The following MBTPS2 variants were observed in gnomAD, a reference collection of about 807,000 sequenced individuals.
MBTPS2 encodes the protein membrane bound transcription factor peptidase, site 2, also known as membrane-bound transcription factor site-2 protease.
In MBTPS2, 2 loss-of-function variants were observed where a neutral mutation model predicts 35.4. That is an observed-to-expected ratio of 0.06 (90% CI 0.02 to 0.18). MBTPS2 has a LOEUF of 0.18. Among genes scored for constraint, MBTPS2 ranks in the 10% least tolerant of loss-of-function variants. MBTPS2 has a pLI of 1.00. For synonymous variants in MBTPS2, 125 were observed against 140.4 expected (o/e 0.89, Z 0.77); for missense variants, 244 against 386.5 (o/e 0.63, Z 3.09).
chrX:21,868,679 A>C, intron 6 of MBTPS2, 94 bp downstream of exon 6: 1 of 623,561 alleles, frequency 1.6e-6, no homozygotes, highest in Non-Finnish European at 2.8e-6. Context: ...ATCTCTTCAT[A>C]TACAAAATGC....
chrX:21,854,904 G>C (rs1464806603), intron 5 of MBTPS2, among the ~76,000 whole-genome samples: 1 of 111,337 alleles, frequency 9.0e-6, no homozygotes, highest in Admixed American at 9.6e-5. Flanking sequence ...ATCACACCTT[G>C]GATCAATTTA....
At position 21,878,639 on chromosome X, in the gene MBTPS2, C is replaced by T. The variant is rs1456436785; in HGVS notation, c.1208C>T (p.Pro403Leu). Reference protein sequence around the residue: ...THTRLIKVKHPPQIDMLYVGH... With the variant: ...THTRLIKVKHLPQIDMLYVGH... ...ACTCGCTTAATAAAAGTAAAACACCCACCTCAGATTGATATGTTATACGTA... is the reference window on the plus strand; with the variant it reads ...ACTCGCTTAATAAAAGTAAAACACCTACCTCAGATTGATATGTTATACGTA... The change falls in exon 9 of 11, where the codon CCA (proline) becomes CTA (leucine). Residue 403 changes from proline (P) to leucine (L), a missense_variant. Coordinates refer to ENST00000379484, the MANE Select transcript of MBTPS2 (RefSeq NM_015884.4). 5 of 1,207,650 alleles carry T rather than the reference C, an allele frequency of 4.1e-6. No homozygotes were observed. Among genetic ancestry groups the T allele is most frequent in the Non-Finnish European group, 5.6e-6 (5 of 892,147 alleles).
intron 10 of MBTPS2, 47 bp downstream of exon 10, chrX:21,881,019 T>A: frequency 1.1e-6 from 1 of 943,249 alleles, no homozygotes; most frequent in Admixed American, 2.2e-5. Context: ...GTTACTTGGA[T>A]CTTGATCAAT....
intron 5 of MBTPS2, chrX:21,857,148 G>A: frequency 8.3e-7 from 1 of 1,211,875 alleles, no homozygotes. Context: ...ACTTCCTCCT[G>A]GGGGGTTACC....
chrX:21,856,126 G>A (rs772296869), intron 5 of MBTPS2: 1 of 213,939 alleles, frequency 4.7e-6, no homozygotes, highest in African/African-American at 2.9e-5. Flanking sequence ...TTACGAAAGT[G>A]GAAAAACAAC....
Position 21,868,603 on chromosome X carries a change from C to T in MBTPS2, c.789+18C>T, listed in dbSNP as rs2092943433. The T allele has an allele frequency of 9.5e-7, 1 of 1,050,444 alleles. No individual in the cohort carries two copies. The highest frequency in any genetic ancestry group is 1.3e-6 in the Non-Finnish European group (1 of 749,390). The allele number at this position is 1,050,444 out of a possible 1,213,427, so 86.6% of individuals were successfully genotyped here. On this transcript the variant is annotated intron_variant, in intron 6 of 10. Transcript: ENST00000379484. The stretch of plus-strand genomic sequence containing the variant: ...TTGCTGAGGTAAATAATGGATTACT[C>T]AGGGCATTCTTTCATCAGATGTTGT...
At chrX:21,859,310 A>C (rs1019731531) in intron 5 of MBTPS2, among the ~76,000 whole-genome samples, 1 of 94,368 alleles carries the variant, frequency 1.1e-5, no homozygotes, top group Non-Finnish European at 2.1e-5. Flanking sequence ...AATTATATGC[A>C]TACGTGAAGT....
At chrX:21,854,085 A>G (rs1030635981) in intron 5 of MBTPS2, among the ~76,000 whole-genome samples, 1 of 111,926 alleles carries the variant, frequency 8.9e-6, no homozygotes, top group Admixed American at 9.5e-5. Context: ...ACAACAACAA[A>G]AAAAACCTGA....
intron 5 of MBTPS2, chrX:21,857,682 G>C: frequency 9.9e-7 from 1 of 1,009,804 alleles, no homozygotes; most frequent in Non-Finnish European, 1.3e-6. Context: ...TCAAAGCTTT[G>C]TATGTTGTTT....
In MBTPS2 at chrX:21,884,306, A is replaced by G; in HGVS notation, c.*1651A>G. The G allele has an allele frequency of 1.4e-6, 1 of 723,376 alleles. No individual in the cohort carries two copies. The highest frequency in any genetic ancestry group is 1.6e-6 in the Non-Finnish European group (1 of 610,847). 59.6% of individuals were successfully genotyped at this position (723,376 alleles called of 1,213,427 possible). A position where few individuals can be genotyped will look rare whatever the true frequency, so the allele number is the denominator to read the frequency against. On this transcript the variant is annotated 3_prime_UTR_variant, in exon 11 of 11. Coordinates refer to ENST00000379484, the MANE Select transcript of MBTPS2 (RefSeq NM_015884.4). ...ATTTGGGATCAGAGTACATTAGCATAGTAATGCTCAGTCAGACCTGTTCAA... is the reference window on the plus strand; with the variant it reads ...ATTTGGGATCAGAGTACATTAGCATGGTAATGCTCAGTCAGACCTGTTCAA...
At chrX:21,848,157 C>T (rs1201602645) in intron 3 of MBTPS2, among the ~76,000 whole-genome samples, 1 of 112,673 alleles carries the variant, frequency 8.9e-6, no homozygotes, top group Admixed American at 9.4e-5. Flanking sequence ...CAGTGGCTCA[C>T]GCCTGTAGTC....
chrX:21,840,945 C>T (rs1394058948), intron 1 of MBTPS2, among the ~76,000 whole-genome samples: 1 of 111,981 alleles, frequency 8.9e-6, no homozygotes, highest in Non-Finnish European at 1.9e-5. Flanking sequence ...GAGAGAATTA[C>T]ATTAGTGTAT....
chrX:21,842,446 A>T (rs12006650), intron 1 of MBTPS2, among the ~76,000 whole-genome samples: 2,200 of 107,979 alleles, frequency 0.02, 65 homozygotes, highest in African/African-American at 0.07. Context: ...TTTTTTTTTT[A>T]AATTATAACA....
chrX:21,862,832 T>C (rs1204876409), intron 5 of MBTPS2, among the ~76,000 whole-genome samples: 5 of 90,185 alleles, frequency 5.5e-5, no homozygotes, highest in Non-Finnish European at 1.1e-4. Context: ...AACATATATA[T>C]ATAAAAAACA....
chrX:21,861,704 AAAAC>A (rs1384480113), intron 5 of MBTPS2, among the ~76,000 whole-genome samples: 8 of 101,307 alleles, frequency 7.9e-5, no homozygotes, highest in African/African-American at 2.7e-4. Context: ...CTCTTTAAAA[AAAAC>A]AAACAAAAAA....
rs60769329 is a variant in MBTPS2 at position 21,879,949 on chromosome X, C to CTTTTTTTT, written c.1262-934_1262-927dup. Among the ~76,000 whole-genome samples the CTTTTTTTT allele has an allele frequency of 4.0e-4, 19 of 47,423 alleles. 3 individuals carry two copies. The highest frequency in any genetic ancestry group is 1.6e-3 in the African/African-American group (12 of 7,494). 41.2% of individuals were successfully genotyped at this position (47,423 alleles called of 115,157 possible). A position where few individuals can be genotyped will look rare whatever the true frequency, so the allele number is the denominator to read the frequency against. On this transcript the variant is annotated intron_variant, in intron 9 of 10. Transcript: ENST00000379484. ...ATGGATATGTGGGTTTTATGTTATTCTTTTTTTTTTTTTTTTTTTTTGAGA... is the reference window on the plus strand; with the variant it reads ...ATGGATATGTGGGTTTTATGTTATTCTTTTTTTTTTTTTTTTTTTTTTTTTTTTTGAGA...
rs764430631 is a variant in MBTPS2, at chrX:21,868,070, T to A, written c.671-397T>A. ...CAACCTCCTTTTTCCAAGTACCATT[T>A]GAGTTTCTGTACCCCTGTTTAGCAA... On this transcript the variant is annotated intron_variant, in intron 5 of 10. Transcript: ENST00000379484. 1.6e-4 allele frequency among the ~76,000 whole-genome samples: 18 copies of A among 112,184 alleles called. No individual in the cohort carries two copies. In the Admixed American group the frequency reaches 1.6e-3, roughly 10 times the overall value.
intron 7 of MBTPS2, chrX:21,869,907 A>G: frequency 2.8e-6 from 1 of 361,996 alleles, no homozygotes. Context: ...TATCATATTT[A>G]ACTTTTAGGA....
chrX:21,847,889 T>C (rs1008803742), intron 3 of MBTPS2, among the ~76,000 whole-genome samples: 3 of 111,879 alleles, frequency 2.7e-5, no homozygotes, highest in Non-Finnish European at 3.8e-5. Flanking sequence ...GTAAAGAGAA[T>C]TTCAGATAAT....
Sources: gnomAD v4.1 joint callset for allele counts (sites outside exome capture counted in the v4.1 genomes callset) on GRCh38, gnomAD v4.1.1 for gene constraint, MANE v1.5 for transcripts, NCBI Gene and HGNC (gene_info 2026-07-23, HGNC 2026-07-21) for gene names.